DNAH7: variants seen among roughly 807,000 people sequenced by gnomAD.
The protein encoded by DNAH7 is dynein axonemal heavy chain 7.
Under a neutral mutation model 444.6 loss-of-function variants are expected in DNAH7, and 397 were observed. The ratio of observed to expected loss-of-function variants is 0.89; its 90% CI spans 0.82 to 0.97. The LOEUF is 0.97. Among genes scored for constraint, DNAH7 ranks in the 50% least tolerant of loss-of-function variants. The probability of loss-of-function intolerance (pLI) is 0.00; values close to 1 mark genes in which losing one functional copy is unlikely to be tolerated. For missense variants in DNAH7, 4,902 were observed against 4,800.8 expected, an observed-to-expected ratio of 1.02 and a Z score of -0.62; for synonymous variants, 1,636 against 1,624.4, an observed-to-expected ratio of 1.01 and a Z score of -0.17.
chr2:195,966,737 AT>A (rs1691503065), intron 17 of DNAH7, among the ~76,000 whole-genome samples: 1 of 151,958 alleles, frequency 6.6e-6, no homozygotes, highest in African/African-American at 2.4e-5. Context: ...CTTGAAGTCT[AT>A]TTTGCCTGAT....
intron 9 of DNAH7, among the ~76,000 whole-genome samples, chr2:196,017,576 A>G (rs1695111419): frequency 6.6e-6 from 1 of 152,066 alleles, no homozygotes; most frequent in Non-Finnish European, 1.5e-5. Context: ...ACTTGTACGG[A>G]AAGAGATTCA....
At chr2:195,873,021 T>C (rs952694606) in intron 39 of DNAH7, among the ~76,000 whole-genome samples, 2 of 152,336 alleles carry the variant, frequency 1.3e-5, no homozygotes, top group African/African-American at 2.4e-5. Flanking sequence ...TTTAGAAAGA[T>C]TGCCTATATT....
chr2:195,808,669 G>C lies in DNAH7; in HGVS notation c.10083+13C>G, dbSNP rs770015578. 1.2e-6 allele frequency: 2 copies of C among 1,612,402 alleles called. No individual in the cohort carries two copies. The highest frequency in any genetic ancestry group is 1.3e-5 in the African/African-American group (1 of 74,858). On this transcript the variant is annotated intron_variant, in intron 53 of 64. Transcript: ENST00000312428. ...TTAAAAACATTGGAATAAGTGAGAG[G>C]GTTAAAACATACCAAACTATCATAT...
intron 64 of DNAH7, among the ~76,000 whole-genome samples, chr2:195,738,990 A>C (rs1295389904): frequency 6.6e-6 from 1 of 152,200 alleles, no homozygotes; most frequent in Non-Finnish European, 1.5e-5. Flanking sequence ...CAGTTTTGCA[A>C]ATACTAACTA....
At chr2:195,893,101 G>A (rs527390451) in intron 30 of DNAH7, 1 of 149,292 alleles carries the variant, frequency 6.7e-6, no homozygotes, top group African/African-American at 2.5e-5. Flanking sequence ...ATGCCACCAC[G>A]CCCAGCTAAT....
intron 3 of DNAH7, among the ~76,000 whole-genome samples, chr2:196,049,959 C>A (rs1341194944): frequency 6.6e-6 from 1 of 152,130 alleles, no homozygotes; most frequent in Admixed American, 6.5e-5. Flanking sequence ...CATGCTATGG[C>A]TCGATTCTGC....
chr2:195,757,887 C>T (rs1173693188), intron 61 of DNAH7, among the ~76,000 whole-genome samples: 1 of 152,130 alleles, frequency 6.6e-6, no homozygotes. Flanking sequence ...CTCCCCCGCC[C>T]CAAAAACTAT....
chr2:196,058,234 A>G (rs1217902937), intron 1 of DNAH7, 118 bp from the exon 2 acceptor site: 3 of 632,756 alleles, frequency 4.7e-6, no homozygotes, highest in Admixed American at 3.3e-5. Flanking sequence ...ATTCTAAAAC[A>G]TACTGTACAA....
intron 19 of DNAH7, among the ~76,000 whole-genome samples, chr2:195,951,520 G>A (rs534025438): frequency 6.6e-6 from 1 of 152,182 alleles, no homozygotes; most frequent in Admixed American, 6.5e-5. Context: ...TCGTTGATCT[G>A]TCTAATACTG....
intron 12 of DNAH7, chr2:195,998,794 T>G (rs150943593): frequency 3.9e-6 from 1 of 258,578 alleles, no homozygotes; most frequent in Non-Finnish European, 7.3e-6. Flanking sequence ...GTATGAGGAA[T>G]AGATATCCAG....
intron 9 of DNAH7, among the ~76,000 whole-genome samples, chr2:196,017,573 C>A (rs796685946): frequency 1.3e-5 from 2 of 151,940 alleles, no homozygotes; most frequent in African/African-American, 2.4e-5. Flanking sequence ...TGTACTTGTA[C>A]GGAAAGAGAT....
At chr2:195,787,629 T>G (rs1216402205) in intron 57 of DNAH7, among the ~76,000 whole-genome samples, 2 of 152,128 alleles carry the variant, frequency 1.3e-5, no homozygotes, top group African/African-American at 4.8e-5. Context: ...GTGAAGAGAT[T>G]TCCTGGGAGG....
At chr2:195,806,400 T>C (rs1405982747) in intron 54 of DNAH7, among the ~76,000 whole-genome samples, 1 of 152,206 alleles carries the variant, frequency 6.6e-6, no homozygotes, top group Non-Finnish European at 1.5e-5. Context: ...CAGCTTGATG[T>C]TGACATCACT....
intron 9 of DNAH7, 38 bp from the exon 10 acceptor site, chr2:196,012,944 CTTT>C: frequency 1.5e-6 from 2 of 1,373,358 alleles, no homozygotes; most frequent in Non-Finnish European, 1.9e-6. Context: ...TTAACAATGA[CTTT>C]TTTGGTATTT....
At position 195,855,970 on chromosome 2, in the gene DNAH7, G is replaced by A; in HGVS notation, c.8436C>T (p.Pro2812=). 6.2e-7 allele frequency: 1 copy of A among 1,610,874 alleles called. No individual in the cohort carries two copies. The highest frequency in any genetic ancestry group is 1.1e-5 in the South Asian group (1 of 90,354). The stretch of plus-strand genomic sequence containing the variant: ...CAGCTGCAGCCAGTTTTATCTTTTT[G>A]GGAGCTACTATTTTTGCCACTCTGC... ...SYDKVAKIVA[P]KKIKLAAAEG... is the part of the protein sequence containing the mutation. The change falls in exon 45 of 65, where the codon CCC becomes CCT. Residue 2812 remains proline (P), a synonymous_variant. Transcript: ENST00000312428.
rs374125048 is a variant in DNAH7, at chr2:195,864,432, A to G, written c.7223T>C (p.Phe2408Ser). Residue 2408 changes from phenylalanine to serine, a missense_variant, in exon 41 of 65, where the codon TTT (phenylalanine) becomes TCT (serine). By Grantham distance (155) the Phe-to-Ser change is radical. Transcript: ENST00000312428. Reference sequence around the variant, plus strand: ...TAGCAGATTACTGACATCTTCCAGAAAAGACTCTTCTTTAATTTGAGTATC... The same window carrying G: ...TAGCAGATTACTGACATCTTCCAGAGAAGACTCTTCTTTAATTTGAGTATC... Reference protein sequence around the residue: ...FTDTQIKEESFLEDVSNLLNA... With the variant: ...FTDTQIKEESSLEDVSNLLNA... The G allele has an allele frequency of 9.3e-6, 15 of 1,614,168 alleles. No individual in the cohort carries two copies. In the African/African-American group the frequency reaches 2.0e-4, roughly 22 times the overall value.
Position 195,861,917 on chromosome 2 carries a change from A to C in DNAH7, c.7536T>G (p.Val2512=). The change falls in exon 42 of 65, where the codon GTT becomes GTG. Residue 2512 remains valine (V), a synonymous_variant. Transcript: ENST00000312428. ...QSWPEDALQA[V]ASRFLEEIEM... ...CAATTTCTTCCAAGAATCGTGAGGC[A>C]ACTGCCTGGAGTGCATCTTCAGGCC... is the stretch of plus-strand genomic sequence containing the variant. 4 of 1,613,914 alleles carry C rather than the reference A, an allele frequency of 2.5e-6. No homozygotes were observed. Among genetic ancestry groups the C allele is most frequent in the Non-Finnish European group, 3.4e-6 (4 of 1,179,840 alleles).
At chr2:195,895,638 T>A (rs1702264281) in intron 29 of DNAH7, among the ~76,000 whole-genome samples, 1 of 152,166 alleles carries the variant, frequency 6.6e-6, no homozygotes, top group South Asian at 2.1e-4. Context: ...ATAACCAAGA[T>A]AATTAACATA....
chr2:196,030,486 T>C (rs1695982432), intron 5 of DNAH7, among the ~76,000 whole-genome samples: 3 of 152,302 alleles, frequency 2.0e-5, no homozygotes, highest in Admixed American at 1.3e-4. Context: ...AACGGTCTCC[T>C]AAAGTCTTAA....
Sources: gnomAD v4.1 joint callset for allele counts (sites outside exome capture counted in the v4.1 genomes callset) on GRCh38, gnomAD v4.1.1 for gene constraint, MANE v1.5 for transcripts, NCBI Gene and HGNC (gene_info 2026-07-23, HGNC 2026-07-21) for gene names.